TRPM3: variants seen among roughly 807,000 people sequenced by gnomAD.
The protein encoded by TRPM3 is long transient receptor potential channel 3.
In TRPM3, 77 loss-of-function variants were observed where a neutral mutation model predicts 181.2. That is an observed-to-expected ratio of 0.42 (90% CI 0.35 to 0.51). The LOEUF (loss-of-function observed/expected upper bound fraction) is 0.51. Among genes scored for constraint, TRPM3 ranks in the 20% least tolerant of loss-of-function variants. TRPM3 has a pLI of 0.01. For missense variants in TRPM3, 1,759 were observed against 2,196.7 expected (o/e 0.80, Z 3.98); for synonymous variants, 745 against 796.4 (o/e 0.94, Z 1.09).
intron 1 of TRPM3, among the ~76,000 whole-genome samples, chr9:71,175,410 G>A (rs1478226988): frequency 6.6e-6 from 1 of 152,174 alleles, no homozygotes; most frequent in Non-Finnish European, 1.5e-5. Context: ...CTCTGAGGTG[G>A]GCAAACAAGG....
chr9:70,634,742 G>A (rs1242112659), intron 12 of TRPM3, among the ~76,000 whole-genome samples: 1 of 152,130 alleles, frequency 6.6e-6, no homozygotes, highest in African/African-American at 2.4e-5. Context: ...TTAGAAGAAT[G>A]GAATGCATAT....
intron 1 of TRPM3, among the ~76,000 whole-genome samples, chr9:70,943,464 A>G (rs2096904501): frequency 1.3e-5 from 2 of 152,222 alleles, no homozygotes; most frequent in African/African-American, 4.8e-5. Flanking sequence ...AATTTCTCAC[A>G]TCCATTCAAT....
intron 9 of TRPM3, among the ~76,000 whole-genome samples, chr9:70,668,538 G>A (rs368226549): frequency 6.6e-6 from 1 of 151,656 alleles, no homozygotes; most frequent in African/African-American, 2.4e-5. Flanking sequence ...GGTGGCGGGC[G>A]CCCGTAGTCC....
At chr9:71,334,505 C>T (rs2090425735) in intron 1 of TRPM3, among the ~76,000 whole-genome samples, 1 of 147,900 alleles carries the variant, frequency 6.8e-6, no homozygotes, top group South Asian at 2.1e-4. Flanking sequence ...ATAACATCCT[C>T]TGCTCTATTA....
chr9:70,639,268 C>T (rs73451732), intron 10 of TRPM3, 74 bp from the exon 11 acceptor site: 73,062 of 1,548,346 alleles, frequency 0.047, 2,703 homozygotes, highest in African/African-American at 0.18. Flanking sequence ...TTCACTTGAA[C>T]AGCTTAGAAA....
intron 1 of TRPM3, among the ~76,000 whole-genome samples, chr9:71,355,114 C>G (rs2091840881): frequency 6.6e-6 from 1 of 152,164 alleles, no homozygotes; most frequent in African/African-American, 2.4e-5. Flanking sequence ...CATATGTTTT[C>G]TTGTCTTTTT....
At chr9:71,001,622 T>A (rs2097602970) in intron 1 of TRPM3, among the ~76,000 whole-genome samples, 2 of 152,196 alleles carry the variant, frequency 1.3e-5, no homozygotes. Context: ...TCCTTAGTTT[T>A]CCTCCTGTAA....
At chr9:71,210,845 T>C (rs929137103) in intron 1 of TRPM3, among the ~76,000 whole-genome samples, 3 of 152,204 alleles carry the variant, frequency 2.0e-5, no homozygotes, top group Admixed American at 6.5e-5. Context: ...GTGAGGGTTC[T>C]CTTACTGCTT....
chr9:71,232,432 C>T (rs530514651), intron 1 of TRPM3, among the ~76,000 whole-genome samples: 1 of 150,260 alleles, frequency 6.7e-6, no homozygotes, highest in South Asian at 2.1e-4. Flanking sequence ...TGTTGATTTT[C>T]CTTGCTCTGC....
intron 1 of TRPM3, among the ~76,000 whole-genome samples, chr9:71,084,742 A>G (rs1180275259): frequency 6.6e-6 from 1 of 151,936 alleles, no homozygotes; most frequent in African/African-American, 2.4e-5. Flanking sequence ...CAAACTGTCG[A>G]TGTCATTTTT....
At chr9:71,316,748 C>T (rs1342481696) in intron 1 of TRPM3, among the ~76,000 whole-genome samples, 1 of 152,088 alleles carries the variant, frequency 6.6e-6, no homozygotes, top group African/African-American at 2.4e-5. Context: ...ACTTAGGCTT[C>T]TGACTTACAG....
At chr9:71,106,321 G>A (rs1162065415) in intron 1 of TRPM3, among the ~76,000 whole-genome samples, 2 of 152,092 alleles carry the variant, frequency 1.3e-5, no homozygotes, top group African/African-American at 2.4e-5. Flanking sequence ...TGGGGCCGGG[G>A]GGAGGTATTT....
At chr9:71,140,645 T>G (rs1256241379) in intron 1 of TRPM3, among the ~76,000 whole-genome samples, 2 of 152,198 alleles carry the variant, frequency 1.3e-5, no homozygotes, top group African/African-American at 4.8e-5. Flanking sequence ...GTTTCTTCAT[T>G]TATTCATTCA....
At chr9:71,158,418 C>T (rs1033606176) in intron 1 of TRPM3, among the ~76,000 whole-genome samples, 8 of 152,260 alleles carry the variant, frequency 5.3e-5, no homozygotes, top group South Asian at 2.1e-4. Context: ...AGGATGAACA[C>T]CCACTAGCTG....
chr9:71,384,836 T>C (rs946566972), intron 1 of TRPM3, among the ~76,000 whole-genome samples: 1 of 152,030 alleles, frequency 6.6e-6, no homozygotes, highest in Admixed American at 6.6e-5. Flanking sequence ...CTCTCCAGAG[T>C]CTAAAATAAA....
At chr9:70,616,692 C>T (rs2062836046) in intron 17 of TRPM3, among the ~76,000 whole-genome samples, 1 of 151,958 alleles carries the variant, frequency 6.6e-6, no homozygotes, top group African/African-American at 2.4e-5. Context: ...AACACAAACA[C>T]ACATACACAC....
At chr9:71,159,346 C>A (rs902512103) in intron 1 of TRPM3, among the ~76,000 whole-genome samples, 1 of 152,028 alleles carries the variant, frequency 6.6e-6, no homozygotes, top group African/African-American at 2.4e-5. Context: ...CAGGCACTAA[C>A]AAACATATGC....
At chr9:70,900,881 C>A (rs1163060357) in intron 1 of TRPM3, among the ~76,000 whole-genome samples, 3 of 152,218 alleles carry the variant, frequency 2.0e-5, no homozygotes, top group Admixed American at 6.5e-5. Flanking sequence ...AGGGCAATAT[C>A]TTCCTTCTGG....
At position 71,420,619 on chromosome 9, in the gene TRPM3, C is replaced by CAGAAAA. The variant is rs992589016; in HGVS notation, c.183+26028_183+26033dup. 2.1e-3 allele frequency among the ~76,000 whole-genome samples: 181 copies of CAGAAAA among 84,934 alleles called. 2 individuals carry two copies. Among genetic ancestry groups the CAGAAAA allele is most frequent in the Admixed American group, 0.015 (123 of 8,290 alleles). The allele number at this position is 84,934 out of a possible 152,430, so 55.7% of individuals were successfully genotyped here. A position where few individuals can be genotyped will look rare whatever the true frequency, so the allele number is the denominator to read the frequency against. Reference sequence around the variant, plus strand: ...GAAAGAGAAGAGAAAGAAAGAAAGACAGAAAAAGAAAAAGAAAAAGAGAGA... The same window carrying CAGAAAA: ...GAAAGAGAAGAGAAAGAAAGAAAGACAGAAAAAGAAAAAGAAAAAGAAAAAGAGAGA... On this transcript the variant is annotated intron_variant, in intron 1 of 24. Transcript: ENST00000357533.
Sources: allele counts gnomAD v4.1 joint callset (sites outside exome capture counted in the v4.1 genomes callset), GRCh38; gene constraint gnomAD v4.1.1; transcripts MANE v1.5; gene names NCBI Gene and HGNC (gene_info 2026-07-23, HGNC 2026-07-21).